The following ADARB2 variants were observed in gnomAD, a reference collection of about 807,000 sequenced individuals.
ADARB2 encodes the protein adenosine deaminase RNA specific B2 (inactive).
In ADARB2, 25 loss-of-function variants were observed where a neutral mutation model predicts 62.2. That is an observed-to-expected ratio of 0.40 (90% CI 0.29 to 0.56). The LOEUF (loss-of-function observed/expected upper bound fraction) is 0.56. Among genes scored for constraint, ADARB2 ranks in the 20% least tolerant of loss-of-function variants. The pLI is 0.43. For synonymous variants in ADARB2, 572 were observed against 500.8 expected, an observed-to-expected ratio of 1.14 and a Z score of -1.90; for missense variants, 1,071 against 1,077.4, an observed-to-expected ratio of 0.99 and a Z score of 0.08.
chr10:1,271,195 C>G, intron 3 of ADARB2, 126 bp from the exon 4 acceptor site: 1 of 705,676 alleles, frequency 1.4e-6, no homozygotes, highest in Non-Finnish European at 2.4e-6. Context: ...GCTCTCCTCC[C>G]CTCCTCACAG....
intron 1 of ADARB2, among the ~76,000 whole-genome samples, chr10:1,553,219 G>A (rs996043743): frequency 5.3e-5 from 8 of 152,228 alleles, no homozygotes; most frequent in African/African-American, 1.2e-4. Flanking sequence ...TACAATATAT[G>A]CGGTGATTTC....
intron 1 of ADARB2, among the ~76,000 whole-genome samples, chr10:1,502,299 G>A (rs966275154): frequency 2.0e-5 from 3 of 152,200 alleles, no homozygotes; most frequent in Non-Finnish European, 4.4e-5. Flanking sequence ...ACTTCCTGGA[G>A]CATTTCTAAT....
At chr10:1,242,046 G>C (rs1830929432) in intron 5 of ADARB2, 85 bp downstream of exon 5, 1 of 1,410,170 alleles carries the variant, frequency 7.1e-7, no homozygotes, top group Non-Finnish European at 9.5e-7. Context: ...AGCGTGTTCT[G>C]AGCCAGGCAT....
intron 1 of ADARB2, among the ~76,000 whole-genome samples, chr10:1,637,617 G>A (rs1329366538): frequency 6.6e-6 from 1 of 151,992 alleles, no homozygotes; most frequent in Non-Finnish European, 1.5e-5. Context: ...ATTGTAAGGT[G>A]AATTCTTGTC....
At chr10:1,267,887 C>T (rs865828889) in intron 4 of ADARB2, among the ~76,000 whole-genome samples, 1 of 152,084 alleles carries the variant, frequency 6.6e-6, no homozygotes, top group African/African-American at 2.4e-5. Flanking sequence ...TCAGCTGTTA[C>T]AATCACTCAA....
intron 1 of ADARB2, among the ~76,000 whole-genome samples, chr10:1,460,664 C>T: frequency 7.8e-6 from 1 of 127,806 alleles, no homozygotes; most frequent in Non-Finnish European, 1.7e-5. Flanking sequence ...GTGTAACGAA[C>T]CTGCCTGTGA....
intron 1 of ADARB2, among the ~76,000 whole-genome samples, chr10:1,431,172 A>G (rs1830774437): frequency 6.6e-6 from 1 of 152,234 alleles, no homozygotes; most frequent in Non-Finnish European, 1.5e-5. Flanking sequence ...TCATCAATAT[A>G]TACCATATAC....
intron 3 of ADARB2, among the ~76,000 whole-genome samples, chr10:1,323,133 C>T (rs924780281): frequency 1.3e-5 from 2 of 151,704 alleles, no homozygotes; most frequent in East Asian, 1.9e-4. Context: ...AATGAATTAA[C>T]ACAGTAATAC....
At chr10:1,599,305 G>A (rs1249571372) in intron 1 of ADARB2, among the ~76,000 whole-genome samples, 1 of 152,184 alleles carries the variant, frequency 6.6e-6, no homozygotes, top group Admixed American at 6.5e-5. Flanking sequence ...TCTGTTTGCT[G>A]AGCTGCAAAA....
chr10:1,648,718 T>A (rs571146855), intron 1 of ADARB2, among the ~76,000 whole-genome samples: 4 of 152,198 alleles, frequency 2.6e-5, no homozygotes, highest in African/African-American at 9.6e-5. Flanking sequence ...TTACGCTGAC[T>A]AACGAAGTCT....
intron 1 of ADARB2, among the ~76,000 whole-genome samples, chr10:1,625,170 A>G (rs2387952): frequency 0.14 from 21,730 of 152,258 alleles, 1,748 homozygotes; most frequent in South Asian, 0.3. Context: ...ACATTTTTCC[A>G]GCCTGTTTTC....
At position 1,401,189 on chromosome 10, in the gene ADARB2, C is replaced by T. The variant is rs148085529; in HGVS notation, c.101-22029G>A. On this transcript the variant is annotated intron_variant, in intron 1 of 9. Transcript: ENST00000381312. ...CCACCTCCCGGATGAGAAGGAGCCT[C>T]CGGAGCAGCTGAGGGACCCACTGTG... 3.9e-3 allele frequency among the ~76,000 whole-genome samples: 601 copies of T among 152,310 alleles called. 3 individuals carry two copies. Among genetic ancestry groups the T allele is most frequent in the Non-Finnish European group, 6.0e-3 (406 of 68,006 alleles).
chr10:1,489,049 G>A (rs1251927376), intron 1 of ADARB2, among the ~76,000 whole-genome samples: 2 of 152,252 alleles, frequency 1.3e-5, no homozygotes, highest in Admixed American at 6.5e-5. Context: ...GCGCGACTGC[G>A]CACCTCGGAT....
chr10:1,185,271 A>G (rs1482545278), intron 8 of ADARB2, among the ~76,000 whole-genome samples: 1 of 152,186 alleles, frequency 6.6e-6, no homozygotes, highest in Non-Finnish European at 1.5e-5. Flanking sequence ...CAACCTTCTA[A>G]TCGAAGATTT....
At position 1,737,342 on chromosome 10, in the gene ADARB2, C is replaced by T; in HGVS notation, c.-192G>A. 1.7e-6 allele frequency: 1 copy of T among 597,154 alleles called. No homozygotes were observed. Among genetic ancestry groups the T allele is most frequent in the South Asian group, 2.1e-5 (1 of 47,696 alleles). 37.0% of individuals were successfully genotyped at this position (597,154 alleles called of 1,614,324 possible). A position where few individuals can be genotyped will look rare whatever the true frequency, so the allele number is the denominator to read the frequency against. ...CGAATTGTTCTCTATGACTTGCTCCCACTGGGCTGGGGGCCTCGGCTGGGC... is the reference window on the plus strand; with the variant it reads ...CGAATTGTTCTCTATGACTTGCTCCTACTGGGCTGGGGGCCTCGGCTGGGC... On this transcript the variant is annotated 5_prime_UTR_variant, in exon 1 of 10. Coordinates refer to ENST00000381312, the MANE Select transcript of ADARB2 (RefSeq NM_018702.4).
Position 1,596,750 on chromosome 10 carries a change from A to G in ADARB2, c.100+140301T>C, listed in dbSNP as rs376027914. Among the ~76,000 whole-genome samples the G allele has an allele frequency of 6.6e-5, 10 of 152,362 alleles. No individual in the cohort carries two copies. The East Asian group carries it at 1.3e-3, about 21-fold the overall frequency. ...CAACCGGACAGAAGCACCTCCGGGA[A>G]GGCCTGTGGGGTCCGTGGGGTCTAG... On this transcript the variant is annotated intron_variant, in intron 1 of 9. Coordinates refer to ENST00000381312, the MANE Select transcript of ADARB2 (RefSeq NM_018702.4).
chr10:1,380,611 G>A (rs193153472), intron 1 of ADARB2, among the ~76,000 whole-genome samples: 124 of 152,312 alleles, frequency 8.1e-4, no homozygotes, highest in African/African-American at 2.8e-3. Context: ...CAGAGTCCAG[G>A]AGAGTTCCCA....
chr10:1,674,193 G>GA (rs1175805550), intron 1 of ADARB2, among the ~76,000 whole-genome samples: 2 of 152,142 alleles, frequency 1.3e-5, no homozygotes, highest in East Asian at 1.9e-4. Context: ...CTCTACTTCA[G>GA]AAAAAAATAT....
intron 1 of ADARB2, among the ~76,000 whole-genome samples, chr10:1,648,782 C>A (rs769007866): frequency 6.6e-6 from 1 of 152,060 alleles, no homozygotes; most frequent in South Asian, 2.1e-4. Flanking sequence ...GTTAACTGAG[C>A]GTGTTTTAGA....
Sources: allele counts gnomAD v4.1 joint callset (sites outside exome capture counted in the v4.1 genomes callset), GRCh38; gene constraint gnomAD v4.1.1; transcripts MANE v1.5; gene names NCBI Gene and HGNC (gene_info 2026-07-23, HGNC 2026-07-21).